Variants in HORMAD2 observed in about 807,000 individuals in gnomAD.
HORMAD2 encodes the protein HORMA domain-containing protein 2.
HORMAD2 carries 45 observed loss-of-function variants against 38.8 expected under a neutral mutation model. The ratio of observed to expected loss-of-function variants is 1.16; its 90% CI spans 0.91 to 1.49. HORMAD2 has a LOEUF of 1.49. Among genes scored for constraint, HORMAD2 ranks in the 40% most tolerant of loss-of-function variants. The pLI is 0.00. For missense variants in HORMAD2, 338 were observed against 367.0 expected (o/e 0.92, Z 0.65); for synonymous variants, 126 against 122.8 (o/e 1.03, Z -0.17).
At chr22:30,180,616 A>G (rs1926656449), downstream of HORMAD2, among the ~76,000 whole-genome samples, 1 of 152,134 alleles carries the variant, frequency 6.6e-6, no homozygotes, top group Admixed American at 6.5e-5. Flanking sequence ...TAATAATTAC[A>G]CCTATTTCAT....
At chr22:30,193,944 C>A in the HORMAD2 span, among the ~76,000 whole-genome samples, 1 of 152,110 alleles carries the variant, frequency 6.6e-6, no homozygotes, top group Admixed American at 6.5e-5. Context: ...TGGTAGTAAC[C>A]CAGCTTATAC....
intron 10 of HORMAD2, among the ~76,000 whole-genome samples, chr22:30,147,859 CA>C (rs1296599961): frequency 6.6e-6 from 1 of 152,054 alleles, no homozygotes; most frequent in Non-Finnish European, 1.5e-5. Context: ...TCTGTAATTC[CA>C]GCACTTTGGG....
chr22:30,084,065 G>A (rs1476679044), intron 1 of HORMAD2, among the ~76,000 whole-genome samples: 1 of 152,122 alleles, frequency 6.6e-6, no homozygotes, highest in Non-Finnish European at 1.5e-5. Flanking sequence ...GACTAATCCC[G>A]GGTAAGTCTA....
intron 3 of HORMAD2, among the ~76,000 whole-genome samples, chr22:30,103,155 C>T (rs113525309): frequency 3.3e-5 from 5 of 152,020 alleles, no homozygotes; most frequent in East Asian, 1.9e-4. Flanking sequence ...AATTCTACAG[C>T]GGCAAAGAAA....
chr22:30,186,358 CTT>C, the HORMAD2 span, among the ~76,000 whole-genome samples: 18 of 132,962 alleles, frequency 1.4e-4, no homozygotes, highest in East Asian at 1.3e-3. Context: ...TCCTTCTGTC[CTT>C]TTTTTTTTTT....
the HORMAD2 span, among the ~76,000 whole-genome samples, chr22:30,201,610 G>C: frequency 6.6e-6 from 1 of 151,886 alleles, no homozygotes; most frequent in South Asian, 2.1e-4. Flanking sequence ...TAGAGACGGG[G>C]TTTCACTGTG....
chr22:30,115,876 G>C (rs372751206), intron 7 of HORMAD2, among the ~76,000 whole-genome samples: 37 of 152,244 alleles, frequency 2.4e-4, no homozygotes, highest in African/African-American at 8.7e-4. Context: ...TGTTTGAGCT[G>C]AGATGAATAA....
chr22:30,111,016 C>T (rs886862495), intron 5 of HORMAD2, among the ~76,000 whole-genome samples: 9 of 151,460 alleles, frequency 5.9e-5, no homozygotes, highest in South Asian at 2.1e-4. Context: ...ATTAGCTGGG[C>T]GTGGTGGTGC....
the HORMAD2 span, among the ~76,000 whole-genome samples, chr22:30,203,489 G>T: frequency 2.0e-5 from 3 of 151,986 alleles, no homozygotes; most frequent in African/African-American, 7.3e-5. Context: ...AGATCATGGG[G>T]TTCCTGCCCC....
intron 10 of HORMAD2, among the ~76,000 whole-genome samples, chr22:30,172,680 G>A (rs1926183276): frequency 6.6e-6 from 1 of 152,142 alleles, no homozygotes; most frequent in Non-Finnish European, 1.5e-5. Context: ...CTGAGGTCAG[G>A]AGTTTGAGAC....
the HORMAD2 span, among the ~76,000 whole-genome samples, chr22:30,202,290 C>T: frequency 6.6e-6 from 1 of 151,960 alleles, no homozygotes; most frequent in South Asian, 2.1e-4. Context: ...GTTGGCACGT[C>T]GGTCAAATTG....
chr22:30,153,837 A>G (rs1166086395), intron 10 of HORMAD2, among the ~76,000 whole-genome samples: 1 of 152,190 alleles, frequency 6.6e-6, no homozygotes, highest in African/African-American at 2.4e-5. Flanking sequence ...TATCCAGTCC[A>G]TCAGTGAGTC....
the HORMAD2 span, among the ~76,000 whole-genome samples, chr22:30,204,466 A>C: frequency 1.3e-5 from 2 of 152,242 alleles, no homozygotes; most frequent in Non-Finnish European, 2.9e-5. Flanking sequence ...GAGCTCTTTC[A>C]GGCGGCTGCC....
At chr22:30,168,900 C>A (rs1306825791) in intron 10 of HORMAD2, among the ~76,000 whole-genome samples, 2 of 152,150 alleles carry the variant, frequency 1.3e-5, no homozygotes, top group African/African-American at 4.8e-5. Context: ...CCCTTCAGGG[C>A]TCTCCATTAC....
At chr22:30,107,812 G>C (rs2146101128) in intron 5 of HORMAD2, among the ~76,000 whole-genome samples, 1 of 151,762 alleles carries the variant, frequency 6.6e-6, no homozygotes, top group Non-Finnish European at 1.5e-5. Context: ...AGTATCTAGA[G>C]ATCTTGAAAG....
chr22:30,141,246 C>G (rs5763804), intron 10 of HORMAD2, among the ~76,000 whole-genome samples: 1 of 152,300 alleles, frequency 6.6e-6, no homozygotes, highest in East Asian at 1.9e-4. Context: ...GATCCACCCA[C>G]CTCGGCCTCC....
rs563225884 is a variant in HORMAD2, at chr22:30,143,544, G to A, written c.819+21330G>A. On this transcript the variant is annotated intron_variant, in intron 10 of 10. Transcript: ENST00000336726. The stretch of plus-strand genomic sequence containing the variant: ...TCCTGCTGAGAGATCAGCTGTTTTC[G>A]TTATAGGGGTTCCTTTGTTAGCAAT... 1.2e-4 allele frequency among the ~76,000 whole-genome samples: 18 copies of A among 151,958 alleles called. No homozygotes were observed. In the South Asian group the frequency reaches 1.9e-3, roughly 16 times the overall value.
At chr22:30,159,367 G>C (rs1208237036) in intron 10 of HORMAD2, among the ~76,000 whole-genome samples, 4 of 152,086 alleles carry the variant, frequency 2.6e-5, no homozygotes, top group Non-Finnish European at 5.9e-5. Context: ...TGGAAAATAT[G>C]TATATTATGT....
At chr22:30,135,727 C>A (rs1472903274) in intron 10 of HORMAD2, among the ~76,000 whole-genome samples, 1 of 152,176 alleles carries the variant, frequency 6.6e-6, no homozygotes, top group African/African-American at 2.4e-5. Context: ...AGAAGGGTTA[C>A]ATGTTAGCAG....
Sources: gnomAD v4.1 joint callset for allele counts (sites outside exome capture counted in the v4.1 genomes callset) on GRCh38, gnomAD v4.1.1 for gene constraint, MANE v1.5 for transcripts, NCBI Gene and HGNC (gene_info 2026-07-23, HGNC 2026-07-21) for gene names.